MREG: variants seen among roughly 807,000 people sequenced by gnomAD.
MREG encodes the protein dilute suppressor protein homolog.
A neutral mutation model predicts 28.5 loss-of-function variants in MREG; 31 were observed. The ratio of observed to expected loss-of-function variants is 1.09; its 90% confidence interval spans 0.82 to 1.47. MREG has a LOEUF of 1.47. Among genes scored for constraint, MREG ranks in the 40% most tolerant of loss-of-function variants. The pLI is 0.00. For missense variants in MREG, 256 were observed against 257.4 expected, an observed-to-expected ratio of 0.99 and a Z score of 0.04; for synonymous variants, 106 against 95.2, an observed-to-expected ratio of 1.11 and a Z score of -0.66.
chr2:215,950,809 C>T (rs1692461704), intron 2 of MREG, among the ~76,000 whole-genome samples: 1 of 152,096 alleles, frequency 6.6e-6, no homozygotes, highest in African/African-American at 2.4e-5. Flanking sequence ...TATGGTTTGG[C>T]TCTGTGTCCC....
intron 1 of MREG, among the ~76,000 whole-genome samples, chr2:216,006,006 C>T (rs1694145542): frequency 6.6e-6 from 1 of 152,140 alleles, no homozygotes; most frequent in Admixed American, 6.5e-5. Flanking sequence ...ATTTATTAAC[C>T]AGACTAAAAT....
chr2:215,960,177 G>A (rs995822595), intron 2 of MREG, among the ~76,000 whole-genome samples: 2 of 152,094 alleles, frequency 1.3e-5, no homozygotes, highest in African/African-American at 4.8e-5. Context: ...GGATGATCTC[G>A]AACTCCTGAC....
intron 1 of MREG, among the ~76,000 whole-genome samples, chr2:216,028,779 G>A (rs1694635764): frequency 6.6e-6 from 1 of 151,980 alleles, no homozygotes; most frequent in Non-Finnish European, 1.5e-5. Flanking sequence ...TGCTGTTTGA[G>A]AAATTTGAAT....
intron 2 of MREG, among the ~76,000 whole-genome samples, chr2:215,972,835 GGGTTTACA>G (rs1203805313): frequency 6.6e-6 from 1 of 152,058 alleles, no homozygotes; most frequent in Non-Finnish European, 1.5e-5. Flanking sequence ...CGATGAATTG[GGGTTTACA>G]GGTTCCTCTT....
rs1692609255 is a variant in MREG, at chr2:215,955,745, GGTA to G, written c.256-8635_256-8633del. 2.0e-5 allele frequency among the ~76,000 whole-genome samples: 3 copies of G among 152,284 alleles called. No individual in the cohort carries two copies. The South Asian group carries it at 6.2e-4, about 32-fold the overall frequency. The stretch of plus-strand genomic sequence containing the variant: ...CAGTTTAGTTTTCTGTCATTTTGTA[GGTA>G]GTAGGAAATATCAGATAAGGTGGAG... On this transcript the variant is annotated intron_variant, in intron 2 of 4. Transcript: ENST00000263268.
chr2:215,994,918 T>C (rs1250540403), intron 2 of MREG, among the ~76,000 whole-genome samples: 2 of 152,210 alleles, frequency 1.3e-5, no homozygotes, highest in African/African-American at 4.8e-5. Flanking sequence ...CTATACATTA[T>C]TTCCGTATTG....
At chr2:215,983,832 G>A (rs1277435894) in intron 2 of MREG, among the ~76,000 whole-genome samples, 5 of 152,168 alleles carry the variant, frequency 3.3e-5, no homozygotes, top group Non-Finnish European at 7.4e-5. Flanking sequence ...GTCATGAGAG[G>A]TATATGCATT....
chr2:216,020,484 T>A (rs1694503947), intron 1 of MREG, among the ~76,000 whole-genome samples: 1 of 152,170 alleles, frequency 6.6e-6, no homozygotes, highest in African/African-American at 2.4e-5. Context: ...TGACTCTCCT[T>A]GACCCAAATG....
At chr2:216,013,191 G>A (rs748852253) in intron 1 of MREG, 42 bp downstream of exon 1, 1 of 1,526,714 alleles carries the variant, frequency 6.6e-7, no homozygotes, top group Middle Eastern at 1.7e-4. Context: ...GCCCGGCTAC[G>A]GCCCAGGTAA....
downstream of MREG, among the ~76,000 whole-genome samples, chr2:215,940,996 T>C (rs1692190836): frequency 6.6e-6 from 1 of 152,220 alleles, no homozygotes; most frequent in African/African-American, 2.4e-5. Flanking sequence ...TAGTCTATTC[T>C]AGCCAAGGTT....
intron 1 of MREG, among the ~76,000 whole-genome samples, chr2:216,031,768 C>T (rs893578238): frequency 6.6e-6 from 1 of 152,060 alleles, no homozygotes; most frequent in African/African-American, 2.4e-5. Context: ...CCCTAATGTC[C>T]ATACCAGCCT....
At chr2:215,992,439 C>A (rs960267014) in intron 2 of MREG, among the ~76,000 whole-genome samples, 10 of 152,134 alleles carry the variant, frequency 6.6e-5, no homozygotes, top group African/African-American at 2.2e-4. Context: ...CTGTTTATGA[C>A]AAACCCACGG....
intron 2 of MREG, among the ~76,000 whole-genome samples, chr2:215,947,555 T>C (rs1440772933): frequency 3.9e-5 from 6 of 152,202 alleles, no homozygotes; most frequent in Admixed American, 3.9e-4. Context: ...AAGAGCTTCC[T>C]TGGCTAATCC....
At chr2:215,999,149 C>T (rs1033164331) in intron 1 of MREG, among the ~76,000 whole-genome samples, 6 of 152,188 alleles carry the variant, frequency 3.9e-5, no homozygotes, top group African/African-American at 9.6e-5. Context: ...ATGACTGCAG[C>T]ACGTGGTGTG....
At chr2:216,012,540 CCT>C (rs66628159) in intron 1 of MREG, among the ~76,000 whole-genome samples, 20,638 of 152,096 alleles carry the variant, frequency 0.14, 1,713 homozygotes, top group South Asian at 0.22. Flanking sequence ...TGAGGCATGA[CCT>C]AGTCCAGCCT....
At chr2:215,971,213 G>A (rs371140395) in intron 2 of MREG, among the ~76,000 whole-genome samples, 2 of 152,224 alleles carry the variant, frequency 1.3e-5, no homozygotes, top group South Asian at 2.1e-4. Context: ...CCTAGATGAC[G>A]GGTTGATACG....
intron 2 of MREG, among the ~76,000 whole-genome samples, chr2:215,992,340 T>G (rs1162919394): frequency 6.6e-6 from 1 of 152,202 alleles, no homozygotes; most frequent in Non-Finnish European, 1.5e-5. Context: ...TCAATAAAAT[T>G]CAACAGCCCT....
chr2:215,953,284 A>C (rs1692534913), intron 2 of MREG, among the ~76,000 whole-genome samples: 1 of 152,262 alleles, frequency 6.6e-6, no homozygotes, highest in Non-Finnish European at 1.5e-5. Flanking sequence ...CAGAGTGGAC[A>C]CTGATTGGCT....
At chr2:216,008,040 T>G (rs573823031) in intron 1 of MREG, among the ~76,000 whole-genome samples, 3 of 152,074 alleles carry the variant, frequency 2.0e-5, no homozygotes, top group African/African-American at 7.2e-5. Context: ...CAGTATTCAC[T>G]AATTCAGTGT....
Sources: gnomAD v4.1 joint callset for allele counts (sites outside exome capture counted in the v4.1 genomes callset) on GRCh38, gnomAD v4.1.1 for gene constraint, MANE v1.5 for transcripts, NCBI Gene and HGNC (gene_info 2026-07-23, HGNC 2026-07-21) for gene names.